Variants in TRUB1 observed in about 807,000 individuals in gnomAD.
TRUB1 encodes pseudouridylate synthase TRUB1.
TRUB1 carries 23 observed loss-of-function variants against 33.9 expected under a neutral mutation model. The ratio of observed to expected loss-of-function variants is 0.68; its 90% CI spans 0.49 to 0.96. TRUB1 has a LOEUF of 0.96. Among genes scored for constraint, TRUB1 ranks in the 40% least tolerant of loss-of-function variants. The probability of loss-of-function intolerance (pLI) is 0.00; values close to 1 mark genes in which losing one functional copy is unlikely to be tolerated. For missense variants in TRUB1, 378 were observed against 422.2 expected (o/e 0.90, Z 0.92); for synonymous variants, 163 against 165.4 (o/e 0.99, Z 0.11).
At chr10:114,946,282 C>G in intron 2 of TRUB1, among the ~76,000 whole-genome samples, 1 of 152,080 alleles carries the variant, frequency 6.6e-6, no homozygotes. Flanking sequence ...TACAAAATAC[C>G]TATAGTATAT....
At position 114,973,234 on chromosome 10, in the gene TRUB1, T is replaced by C. The variant is rs1172906927; in HGVS notation, c.736+960T>C. ...AAAAACACACTTAGGAAGGTTGTGC[T>C]CCATTCCATGGAAATGAAGCAGCTG... On this transcript the variant is annotated intron_variant, in intron 6 of 7. Transcript: ENST00000298746. Among the ~76,000 whole-genome samples, 8 of 152,306 alleles carry C rather than the reference T, an allele frequency of 5.3e-5. No homozygotes were observed. The East Asian group carries it at 1.3e-3, about 26-fold the overall frequency.
intron 3 of TRUB1, among the ~76,000 whole-genome samples, chr10:114,951,353 TAAAG>T (rs1397204140): frequency 2.0e-5 from 3 of 152,176 alleles, no homozygotes; most frequent in African/African-American, 7.2e-5. Context: ...CAATTAGACT[TAAAG>T]AAACAATGCT....
chr10:114,940,636 G>A (rs930619430), intron 1 of TRUB1, among the ~76,000 whole-genome samples: 2 of 152,228 alleles, frequency 1.3e-5, no homozygotes, highest in East Asian at 1.9e-4. Context: ...TTAGTTCAGT[G>A]GGGTGAACCA....
chr10:114,972,128 T>C lies in TRUB1; in HGVS notation c.597-7T>C. On this transcript the variant is annotated splice_region_variant and splice_polypyrimidine_tract_variant and intron_variant, in intron 5 of 7. Coordinates refer to ENST00000298746, the MANE Select transcript of TRUB1 (RefSeq NM_139169.5). ...TCCTTCCATTTCTCCTTCTCTCATC[T>C]CACAAGCTATTCTGCATTAAAGAAA... The C allele has an allele frequency of 6.2e-7, 1 of 1,612,374 alleles. No homozygotes were observed. Among genetic ancestry groups the C allele is most frequent in the Non-Finnish European group, 8.5e-7 (1 of 1,179,446 alleles).
chr10:114,951,027 AT>A lies in TRUB1; in HGVS notation c.386-66del, dbSNP rs137915770. On this transcript the variant is annotated intron_variant, in intron 2 of 7. Coordinates refer to ENST00000298746, the MANE Select transcript of TRUB1 (RefSeq NM_139169.5). Reference sequence around the variant, plus strand: ...TAAGCTGGGAAATTATGACCAAAAAATATAGCTATTTTAAAAACCTAGTTTT... The same window carrying A: ...TAAGCTGGGAAATTATGACCAAAAAAATAGCTATTTTAAAAACCTAGTTTT... 1.0e-3 allele frequency: 1,455 copies of A among 1,406,266 alleles called. 17 individuals carry two copies. The African/African-American group carries it at 0.019, about 18-fold the overall frequency. The allele number at this position is 1,406,266 out of a possible 1,614,324, so 87.1% of individuals were successfully genotyped here.
At chr10:114,974,466 C>T in intron 7 of TRUB1, 81 bp downstream of exon 7, 1 of 1,270,066 alleles carries the variant, frequency 7.9e-7, no homozygotes, top group South Asian at 1.2e-5. Flanking sequence ...TTCCGTTTTT[C>T]TTATTTCTGA....
At chr10:114,949,459 A>T (rs1342776664) in intron 2 of TRUB1, among the ~76,000 whole-genome samples, 2 of 152,312 alleles carry the variant, frequency 1.3e-5, no homozygotes, top group East Asian at 3.9e-4. Flanking sequence ...GATGAGTGTC[A>T]TAGAGGTTTT....
intron 1 of TRUB1, among the ~76,000 whole-genome samples, chr10:114,939,397 T>A (rs1236141476): frequency 6.6e-6 from 1 of 152,208 alleles, no homozygotes; most frequent in African/African-American, 2.4e-5. Flanking sequence ...AGCCTAGTAA[T>A]TTCTGCACCT....
intron 2 of TRUB1, among the ~76,000 whole-genome samples, chr10:114,948,288 G>A (rs1233518841): frequency 6.6e-6 from 1 of 152,142 alleles, no homozygotes; most frequent in East Asian, 1.9e-4. Context: ...ACCTTTGGTT[G>A]TAGAAGTCCT....
chr10:114,963,314 T>C (rs2084292117), intron 4 of TRUB1, among the ~76,000 whole-genome samples: 1 of 152,250 alleles, frequency 6.6e-6, no homozygotes, highest in Non-Finnish European at 1.5e-5. Flanking sequence ...GTTTGGCTGC[T>C]GAGACTTATC....
At chr10:114,939,313 C>T (rs2084174336) in intron 1 of TRUB1, among the ~76,000 whole-genome samples, 1 of 152,174 alleles carries the variant, frequency 6.6e-6, no homozygotes, top group Non-Finnish European at 1.5e-5. Context: ...TGGACATATA[C>T]AATAAGCCAG....
At chr10:114,956,022 A>T (rs919221517) in intron 3 of TRUB1, among the ~76,000 whole-genome samples, 1 of 152,208 alleles carries the variant, frequency 6.6e-6, no homozygotes, top group African/African-American at 2.4e-5. Flanking sequence ...CTCAGTTGAG[A>T]TCCAAGGAAA....
In TRUB1 at chr10:114,951,100, G is replaced by C. The variant is rs368095059; in HGVS notation, c.392G>C (p.Gly131Ala). ...DSAARGVLVV[G>A]IGSGTKMLTS... Reference sequence around the variant, plus strand: ...TTCTTTCTTTGATTTGTAGTTGTTGGAATTGGAAGCGGAACAAAAATGTTG... The same window carrying C: ...TTCTTTCTTTGATTTGTAGTTGTTGCAATTGGAAGCGGAACAAAAATGTTG... The change falls in exon 3 of 8, where the codon GGA becomes GCA. Residue 131 changes from glycine to alanine, a missense_variant. Gly to Ala is a moderately conservative substitution (Grantham distance 60). Coordinates refer to ENST00000298746, the MANE Select transcript of TRUB1 (RefSeq NM_139169.5). The C allele has an allele frequency of 1.9e-6, 3 of 1,611,920 alleles. No individual in the cohort carries two copies. The highest frequency in any genetic ancestry group is 2.5e-6 in the Non-Finnish European group (3 of 1,178,772).
rs138352069 is a variant in TRUB1, at chr10:114,976,593, A to G, written c.*1214A>G. 250 of 152,270 alleles carry G rather than the reference A, an allele frequency of 1.6e-3. No homozygotes were observed. Among genetic ancestry groups the G allele is most frequent in the African/African-American group, 5.8e-3 (242 of 41,584 alleles). 9.4% of individuals were successfully genotyped at this position (152,270 alleles called of 1,614,324 possible). On this transcript the variant is annotated 3_prime_UTR_variant, in exon 8 of 8. Transcript: ENST00000298746. ...AATTTCATAAAATACAAGTTTTTAG[A>G]TGTTTATGCTTTGCCTTTCTTTTTA...
chr10:114,963,787 A>G (rs957044974), intron 4 of TRUB1, among the ~76,000 whole-genome samples: 23 of 152,318 alleles, frequency 1.5e-4, no homozygotes, highest in South Asian at 4.1e-4. Flanking sequence ...TGGTACATGT[A>G]TGAGTATTTT....
intron 4 of TRUB1, among the ~76,000 whole-genome samples, chr10:114,960,151 C>T (rs1423487070): frequency 6.8e-6 from 1 of 146,668 alleles, no homozygotes; most frequent in Non-Finnish European, 1.5e-5. Context: ...TTTCATCTGT[C>T]TTGCCATTAA....
At chr10:114,943,399 A>G (rs1219808757) in intron 2 of TRUB1, among the ~76,000 whole-genome samples, 1 of 152,132 alleles carries the variant, frequency 6.6e-6, no homozygotes, top group African/African-American at 2.4e-5. Flanking sequence ...GTGTGGTGGC[A>G]TGTGCCTGTA....
At chr10:114,957,919 G>A (rs191575552) in intron 3 of TRUB1, among the ~76,000 whole-genome samples, 170 of 152,286 alleles carry the variant, frequency 1.1e-3, no homozygotes, top group Non-Finnish European at 1.8e-3. Flanking sequence ...AACCAGATGA[G>A]TCAACTCTAG....
chr10:114,942,811 A>G, intron 2 of TRUB1, 68 bp downstream of exon 2: 1 of 1,028,600 alleles, frequency 9.7e-7, no homozygotes, highest in Middle Eastern at 2.0e-4. Flanking sequence ...CTGGTTGAGA[A>G]CAGATAGATT....
Sources: gnomAD v4.1 joint callset for allele counts (sites outside exome capture counted in the v4.1 genomes callset) on GRCh38, gnomAD v4.1.1 for gene constraint, MANE v1.5 for transcripts, NCBI Gene and HGNC (gene_info 2026-07-23, HGNC 2026-07-21) for gene names.